Variants in DSG3 observed in about 807,000 individuals in gnomAD.
The protein encoded by DSG3 is desmoglein-3.
Under a neutral mutation model 85.9 loss-of-function variants are expected in DSG3, and 63 were observed. The ratio of observed to expected loss-of-function variants is 0.73; its 90% CI spans 0.60 to 0.90. DSG3 has a LOEUF of 0.90. Ranked by LOEUF, DSG3 falls within the 40% of genes least tolerant of loss-of-function variation. The pLI, the probability that DSG3 is intolerant of heterozygous loss-of-function variation, is 0.00. For synonymous variants in DSG3, 447 were observed against 441.9 expected, an observed-to-expected ratio of 1.01 and a Z score of -0.14; for missense variants, 1,220 against 1,219.9, an observed-to-expected ratio of 1.00 and a Z score of 0.00.
chr18:31,463,819 T>C lies in DSG3; in HGVS notation c.1000-292T>C, dbSNP rs145922108. Among the ~76,000 whole-genome samples, 297 of 152,254 alleles carry C rather than the reference T, an allele frequency of 2.0e-3. 1 individual carries two copies. Among genetic ancestry groups the C allele is most frequent in the African/African-American group, 7.0e-3 (290 of 41,554 alleles). ...CAGCAGAACCAGGATTCAAATCATG[T>C]TACCATAGCAAACTTGGGGTTCTTT... On this transcript the variant is annotated intron_variant, in intron 8 of 15. Transcript: ENST00000257189.
intron 14 of DSG3, 29 bp from the exon 15 acceptor site, chr18:31,474,092 T>C: frequency 6.3e-7 from 1 of 1,596,266 alleles, no homozygotes; most frequent in Non-Finnish European, 8.6e-7. Flanking sequence ...CAGCATAAGA[T>C]ATTACAGAAT....
intron 1 of DSG3, among the ~76,000 whole-genome samples, chr18:31,455,064 C>G (rs79583908): frequency 0.011 from 1,710 of 151,720 alleles, 36 homozygotes; most frequent in African/African-American, 0.04. Flanking sequence ...GAGGTACATG[C>G]TCTGGAGTTA....
intron 1 of DSG3, among the ~76,000 whole-genome samples, chr18:31,452,416 G>A (rs904171270): frequency 2.0e-5 from 3 of 151,622 alleles, no homozygotes; most frequent in Admixed American, 6.6e-5. Context: ...CTACTCGGGA[G>A]GCTGAGGAAG....
chr18:31,460,031 G>A lies in DSG3; in HGVS notation c.684+20G>A. ...CGAGAGGTACAGCAAAGCACTTGGG[G>A]GAACATTCAAGATTAAAGGGTTTGA... On this transcript the variant is annotated intron_variant, in intron 6 of 15. Coordinates refer to ENST00000257189, the MANE Select transcript of DSG3 (RefSeq NM_001944.3). 1.3e-6 allele frequency: 2 copies of A among 1,593,072 alleles called. No homozygotes were observed. Among genetic ancestry groups the A allele is most frequent in the South Asian group, 1.2e-5 (1 of 86,816 alleles).
Position 31,459,090 on chromosome 18 carries a change from A to T in DSG3, c.430A>T (p.Thr144Ser). 6.2e-7 allele frequency: 1 copy of T among 1,613,646 alleles called. No homozygotes were observed. The highest frequency in any genetic ancestry group is 8.5e-7 in the Non-Finnish European group (1 of 1,179,876). The part of the protein sequence containing the change: ...GLDVEKPLIL[T>S]VKILDINDNP... ...AGATGTAGAGAAACCACTTATACTAACGGTTAAAATTTTGGATATTAATGA... is the reference window on the plus strand; with the variant it reads ...AGATGTAGAGAAACCACTTATACTATCGGTTAAAATTTTGGATATTAATGA... Residue 144 changes from threonine to serine, a missense_variant, in exon 5 of 16, where the codon ACG (threonine) becomes TCG (serine). By Grantham distance (58) the Thr-to-Ser change is moderately conservative. Transcript: ENST00000257189.
intron 10 of DSG3, among the ~76,000 whole-genome samples, chr18:31,465,672 T>C (rs2072813696): frequency 6.6e-6 from 1 of 152,210 alleles, no homozygotes; most frequent in African/African-American, 2.4e-5. Flanking sequence ...GAATTCTGTG[T>C]TAGGTCCCTG....
rs2144283170 is a variant in DSG3 at position 31,469,298 on chromosome 18, C to T, written c.1846C>T (p.Leu616=). The T allele has an allele frequency of 6.8e-6, 11 of 1,613,824 alleles. No homozygotes were observed. The highest frequency in any genetic ancestry group is 6.6e-5 in the South Asian group (6 of 91,068). The change falls in exon 12 of 16, where the codon CTG becomes TTG. Residue 616 remains leucine (L), a synonymous_variant. Coordinates refer to ENST00000257189, the MANE Select transcript of DSG3 (RefSeq NM_001944.3). ...TRYGRPHSGR[L]GPAAIGLLLL... Reference sequence around the variant, plus strand: ...GTATGGCAGGCCGCACTCAGGGAGGCTGGGGCCTGCCGCCATCGGCCTGCT... The same window carrying T: ...GTATGGCAGGCCGCACTCAGGGAGGTTGGGGCCTGCCGCCATCGGCCTGCT...
At position 31,476,075 on chromosome 18, in the gene DSG3, G is replaced by T; in HGVS notation, c.2815G>T (p.Ala939Ser). The change falls in exon 16 of 16, where the codon GCT (alanine) becomes TCT (serine). Residue 939 changes from alanine to serine, a missense_variant. Physicochemically the swap from Ala to Ser is moderately conservative, Grantham distance 99. Transcript: ENST00000257189. The part of the protein sequence containing the change: ...GNYLVTETYS[A>S]SGSLVQPSTA... Reference sequence around the variant, plus strand: ...CTATTTAGTAACGGAGACTTACTCGGCTTCTGGTTCCCTCGTGCAACCTTC... The same window carrying T: ...CTATTTAGTAACGGAGACTTACTCGTCTTCTGGTTCCCTCGTGCAACCTTC... 2 of 1,614,178 alleles carry T rather than the reference G, an allele frequency of 1.2e-6. No individual in the cohort carries two copies. The highest frequency in any genetic ancestry group is 8.5e-7 in the Non-Finnish European group (1 of 1,180,036).
chr18:31,459,975 G>A lies in DSG3; in HGVS notation c.648G>A (p.Gly216=). 6.2e-7 allele frequency: 1 copy of A among 1,613,976 alleles called. No homozygotes were observed. The highest frequency in any genetic ancestry group is 8.5e-7 in the Non-Finnish European group (1 of 1,179,982). The change falls in exon 6 of 16, where the codon GGG becomes GGA. Residue 216 remains glycine, a synonymous_variant. Transcript: ENST00000257189. ...TPMFLLSRNT[G]EVRTLTNSLD... is the part of the protein sequence containing the mutation. ...TGTTCCTCCTAAGCAGAAACACTGGGGAAGTCCGTACTTTGACCAATTCTC... is the reference window on the plus strand; with the variant it reads ...TGTTCCTCCTAAGCAGAAACACTGGAGAAGTCCGTACTTTGACCAATTCTC...
In DSG3 at chr18:31,466,587, A is replaced by T. The variant is rs2072820005; in HGVS notation, c.1469A>T (p.Asp490Val). ...TVYVRVPDFN[D>V]NCPTAVLEKD... is the part of the protein sequence containing the mutation. ...TATGTTAGAGTACCCGATTTCAATG[A>T]CAATTGTCCAACAGCTGTCCTCGAA... Residue 490 changes from aspartate to valine, a missense_variant, in exon 11 of 16, where the codon GAC (aspartate) becomes GTC (valine). Physicochemically the swap from Asp to Val is radical, Grantham distance 152. Transcript: ENST00000257189. The T allele has an allele frequency of 2.5e-6, 4 of 1,614,106 alleles. No homozygotes were observed. Among genetic ancestry groups the T allele is most frequent in the Non-Finnish European group, 3.4e-6 (4 of 1,180,046 alleles).
Position 31,459,195 on chromosome 18 carries a change from C to T in DSG3, c.517+18C>T. On this transcript the variant is annotated intron_variant, in intron 5 of 15. Coordinates refer to ENST00000257189, the MANE Select transcript of DSG3 (RefSeq NM_001944.3). ...TGCCTCAAGTAAGTCTTTTACAGTA[C>T]TTACCACTTTCAGTTTATCTACTTT... is the stretch of plus-strand genomic sequence containing the variant. The T allele has an allele frequency of 6.3e-7, 1 of 1,597,894 alleles. No homozygotes were observed. The highest frequency in any genetic ancestry group is 8.5e-7 in the Non-Finnish European group (1 of 1,175,086).
Position 31,450,332 on chromosome 18 carries a change from C to G in DSG3, c.48+2407C>G, listed in dbSNP as rs537855926. On this transcript the variant is annotated intron_variant, in intron 1 of 15. Transcript: ENST00000257189. ...GATTTGCCTAGGGGAAATGGACACACCAGTATGACTAGCATGACAGTTTGC... is the reference window on the plus strand; with the variant it reads ...GATTTGCCTAGGGGAAATGGACACAGCAGTATGACTAGCATGACAGTTTGC... Among the ~76,000 whole-genome samples the G allele has an allele frequency of 2.0e-4, 30 of 152,234 alleles. 1 individual carries two copies. The South Asian group carries it at 6.2e-3, about 32-fold the overall frequency.
rs199984290 is a variant in DSG3 at position 31,476,062 on chromosome 18, G to A, written c.2802G>A (p.Thr934=). 286 of 1,614,150 alleles carry A rather than the reference G, an allele frequency of 1.8e-4. 4 individuals are homozygous for A. Among genetic ancestry groups the A allele is most frequent in the South Asian group, 1.3e-3 (122 of 91,088 alleles). The change falls in exon 16 of 16, where the codon ACG becomes ACA. Residue 934 remains threonine (T), a synonymous_variant. Transcript: ENST00000257189. ...DPLQHGNYLV[T]ETYSASGSLV... is the part of the protein sequence containing the mutation. ...TGCAGCATGGTAACTATTTAGTAAC[G>A]GAGACTTACTCGGCTTCTGGTTCCC...
rs2072902550 is a variant in DSG3 at position 31,478,429 on chromosome 18, G to A, written c.*2169G>A. ...TTTGCTGCATTGTTAAACTGTAGTG[G>A]AAACCATGCTATAGTAATAAAGGTT... is the stretch of plus-strand genomic sequence containing the variant. On this transcript the variant is annotated 3_prime_UTR_variant, in exon 16 of 16. Coordinates refer to ENST00000257189, the MANE Select transcript of DSG3 (RefSeq NM_001944.3). 6.6e-6 allele frequency: 1 copy of A among 152,078 alleles called. No individual in the cohort carries two copies. The highest frequency in any genetic ancestry group is 2.1e-4 in the South Asian group (1 of 4,822). The allele number at this position is 152,078 out of a possible 1,614,324, so 9.4% of individuals were successfully genotyped here.
At chr18:31,461,191 T>C (rs1264977598) in intron 7 of DSG3, 36 bp from the exon 8 acceptor site, 1 of 1,552,944 alleles carries the variant, frequency 6.4e-7, no homozygotes, top group African/African-American at 1.4e-5. Context: ...GTAAAACCTG[T>C]CATTAGGTCT....
At chr18:31,447,995 G>GGGC in intron 1 of DSG3, 70 bp downstream of exon 1, 1 of 1,183,076 alleles carries the variant, frequency 8.5e-7, no homozygotes, top group South Asian at 1.8e-5. Context: ...TATTATATTT[G>GGGC]ATTGCACAAT....
At chr18:31,473,673 T>C (rs2072868898) in intron 14 of DSG3, among the ~76,000 whole-genome samples, 1 of 152,208 alleles carries the variant, frequency 6.6e-6, no homozygotes, top group East Asian at 1.9e-4. Context: ...TAGTCATGAT[T>C]TGTTAAATTC....
intron 9 of DSG3, 34 bp from the exon 10 acceptor site, chr18:31,465,283 GA>G (rs747228568): frequency 7.5e-7 from 1 of 1,342,262 alleles, no homozygotes; most frequent in Non-Finnish European, 9.7e-7. Context: ...TTCCACATTT[GA>G]AAGAAAACTG....
rs1449035986 is a variant in DSG3, at chr18:31,476,752, G to T, written c.*492G>T. 1.3e-5 allele frequency: 2 copies of T among 152,574 alleles called. No homozygotes were observed. The highest frequency in any genetic ancestry group is 2.1e-4 in the South Asian group (1 of 4,838). 9.5% of individuals were successfully genotyped at this position (152,574 alleles called of 1,614,324 possible). On this transcript the variant is annotated 3_prime_UTR_variant, in exon 16 of 16. Transcript: ENST00000257189. ...AGGCAGGTGGATCATGAGGTCAGGA[G>T]ATCGAGACCATCCTGGCTAACAAGG... is the stretch of plus-strand genomic sequence containing the variant.
Sources: allele counts gnomAD v4.1 joint callset (sites outside exome capture counted in the v4.1 genomes callset), GRCh38; gene constraint gnomAD v4.1.1; transcripts MANE v1.5; gene names NCBI Gene and HGNC (gene_info 2026-07-23, HGNC 2026-07-21).